ERAP1: variants seen among roughly 807,000 people sequenced by gnomAD.
ERAP1 encodes adipocyte-derived leucine aminopeptidase.
Under a neutral mutation model 103.7 loss-of-function variants are expected in ERAP1, and 86 were observed. The observed-to-expected ratio is 0.83, with a 90% confidence interval of 0.70 to 0.99. ERAP1 has a LOEUF of 0.99. Ranked by LOEUF, ERAP1 falls within the 50% of genes least tolerant of loss-of-function variation. The pLI is 0.00. For synonymous variants in ERAP1, 398 were observed against 402.4 expected (o/e 0.99, Z 0.13); for missense variants, 1,009 against 1,128.4 (o/e 0.89, Z 1.52).
At chr5:96,859,538 A>G in the ERAP1 span, among the ~76,000 whole-genome samples, 14 of 152,142 alleles carry the variant, frequency 9.2e-5, no homozygotes, top group Non-Finnish European at 2.1e-4. Flanking sequence ...CTGAGCCTCA[A>G]TGTCACACAA....
intron 16 of ERAP1, 77 bp from the exon 17 acceptor site, chr5:96,781,275 TGTAAAA>T: frequency 6.8e-7 from 1 of 1,478,892 alleles, no homozygotes; most frequent in Non-Finnish European, 9.3e-7. Context: ...TAAAATTACT[TGTAAAA>T]GAAAAAAAAG....
chr5:96,899,666 T>C, the ERAP1 span, among the ~76,000 whole-genome samples: 3 of 152,242 alleles, frequency 2.0e-5, no homozygotes, highest in African/African-American at 7.2e-5. Context: ...ACTGTAGGAA[T>C]ACCTTGGTAA....
chr5:96,877,124 G>A, the ERAP1 span, among the ~76,000 whole-genome samples: 2 of 152,104 alleles, frequency 1.3e-5, no homozygotes. Context: ...ACGGGCATGT[G>A]CCACCATGCC....
the ERAP1 span, among the ~76,000 whole-genome samples, chr5:96,858,447 T>G: frequency 1.3e-5 from 2 of 152,192 alleles, no homozygotes; most frequent in African/African-American, 2.4e-5. Flanking sequence ...TCTGCCTGCC[T>G]TGGCCTCCCA....
the ERAP1 span, among the ~76,000 whole-genome samples, chr5:96,893,530 C>T: frequency 6.6e-6 from 1 of 152,174 alleles, no homozygotes; most frequent in African/African-American, 2.4e-5. Flanking sequence ...AGCTCTAAAG[C>T]ACTTAACTGA....
At chr5:96,927,509 C>T in the ERAP1 span, among the ~76,000 whole-genome samples, 5 of 151,858 alleles carry the variant, frequency 3.3e-5, no homozygotes, top group Non-Finnish European at 2.9e-5. Flanking sequence ...TGTTTTGAGA[C>T]GGAGTCTCGC....
At chr5:96,918,853 C>A in the ERAP1 span, 1 of 152,164 alleles carries the variant, frequency 6.6e-6, no homozygotes, top group Admixed American at 6.5e-5. Flanking sequence ...TATAACCCAG[C>A]TTTAGCATTT....
the ERAP1 span, among the ~76,000 whole-genome samples, chr5:96,887,576 A>C: frequency 6.6e-6 from 1 of 152,138 alleles, no homozygotes; most frequent in Non-Finnish European, 1.5e-5. Context: ...TTGGGATTAC[A>C]GGCGTGAGCC....
chr5:96,871,569 C>T, the ERAP1 span, among the ~76,000 whole-genome samples: 1 of 152,048 alleles, frequency 6.6e-6, no homozygotes, highest in African/African-American at 2.4e-5. Context: ...GTTTATTTTG[C>T]CATCATTTTT....
chr5:96,892,231 G>C, the ERAP1 span: 1 of 1,522,890 alleles, frequency 6.6e-7, no homozygotes, highest in Non-Finnish European at 9.1e-7. Flanking sequence ...GTGTATTTGA[G>C]CAGAGAGCAA....
chr5:96,889,252 T>G, the ERAP1 span: 2 of 1,614,046 alleles, frequency 1.2e-6, no homozygotes, highest in East Asian at 4.5e-5. Context: ...TCACTGAAGC[T>G]ACTTGATTTT....
At chr5:96,829,961 A>C in the ERAP1 span, among the ~76,000 whole-genome samples, 1 of 152,216 alleles carries the variant, frequency 6.6e-6, no homozygotes, top group East Asian at 1.9e-4. Flanking sequence ...TCCCTCTGAC[A>C]ACAACTAAAA....
At chr5:96,827,457 T>A in the ERAP1 span, among the ~76,000 whole-genome samples, 1 of 151,792 alleles carries the variant, frequency 6.6e-6, no homozygotes, top group African/African-American at 2.4e-5. Flanking sequence ...AACTCAAGAG[T>A]TCGTGAACAG....
the ERAP1 span, among the ~76,000 whole-genome samples, chr5:96,813,650 C>CAA: frequency 0.18 from 10,049 of 55,108 alleles, 3,551 homozygotes; most frequent in Non-Finnish European, 0.22. Flanking sequence ...AGACTCATCT[C>CAA]AAAAAAAAAA....
intron 11 of ERAP1, chr5:96,786,811 T>C: frequency 2.4e-6 from 1 of 420,106 alleles, no homozygotes; most frequent in East Asian, 4.5e-5. Flanking sequence ...TTTACAGTGA[T>C]TGGCTGATTG....
At chr5:96,819,795 T>C in the ERAP1 span, among the ~76,000 whole-genome samples, 2 of 152,190 alleles carry the variant, frequency 1.3e-5, no homozygotes, top group African/African-American at 4.8e-5. Context: ...TTCAGCACAG[T>C]ATTCTAGTAT....
chr5:96,933,562 CA>C, the ERAP1 span, among the ~76,000 whole-genome samples: 141 of 152,190 alleles, frequency 9.3e-4, no homozygotes, highest in African/African-American at 3.2e-3. Flanking sequence ...TTCGCTAGTG[CA>C]TTTTTTTTTA....
the ERAP1 span, chr5:96,915,971 C>T: frequency 2.6e-6 from 1 of 386,558 alleles, no homozygotes; most frequent in Non-Finnish European, 4.6e-6. Flanking sequence ...ACCTGTAATC[C>T]CACCACTTTG....
rs559212997 is a variant in ERAP1, at chr5:96,766,799, T to G, written c.2819-3571A>C. On this transcript the variant is annotated intron_variant, in intron 19 of 19. Transcript: ENST00000296754. Reference sequence around the variant, plus strand: ...ACCCTTTCCATGCCTGTTCATCAAATAAGAAACAAGGAAGACCAAATTACA... The same window carrying G: ...ACCCTTTCCATGCCTGTTCATCAAAGAAGAAACAAGGAAGACCAAATTACA... Among the ~76,000 whole-genome samples the G allele has an allele frequency of 2.8e-3, 425 of 152,326 alleles. 6 individuals carry two copies. Among genetic ancestry groups the G allele is most frequent in the African/African-American group, 9.7e-3 (403 of 41,576 alleles).
Sources: allele counts gnomAD v4.1 joint callset (sites outside exome capture counted in the v4.1 genomes callset), GRCh38; gene constraint gnomAD v4.1.1; transcripts MANE v1.5; gene names NCBI Gene and HGNC (gene_info 2026-07-23, HGNC 2026-07-21).